NELL1: variants seen among roughly 807,000 people sequenced by gnomAD.
The protein encoded by NELL1 is protein kinase C-binding protein NELL1.
NELL1 carries 76 observed loss-of-function variants against 107.4 expected under a neutral mutation model. The observed-to-expected ratio is 0.71, with a 90% CI of 0.59 to 0.86. The LOEUF (loss-of-function observed/expected upper bound fraction) is 0.86, where lower values mean the gene tolerates loss of function less well. Among genes scored for constraint, NELL1 ranks in the 40% least tolerant of loss-of-function variants. The pLI is 0.00. For missense variants in NELL1, 1,024 were observed against 1,005.5 expected (o/e 1.02, Z -0.25); for synonymous variants, 353 against 341.2 (o/e 1.03, Z -0.38).
At chr11:20,957,223 C>T (rs996327013) in intron 11 of NELL1, among the ~76,000 whole-genome samples, 10 of 152,120 alleles carry the variant, frequency 6.6e-5, no homozygotes, top group Non-Finnish European at 1.3e-4. Context: ...AGGAAAAATC[C>T]ACTCTGCCCA....
At chr11:21,528,748 CTCAAAG>C (rs1255748130) in intron 15 of NELL1, among the ~76,000 whole-genome samples, 2 of 152,078 alleles carry the variant, frequency 1.3e-5, no homozygotes, top group African/African-American at 4.8e-5. Flanking sequence ...AAATAACTTG[CTCAAAG>C]TCAAAGTCAT....
chr11:21,419,858 T>A (rs150615554), intron 15 of NELL1, among the ~76,000 whole-genome samples: 17 of 152,314 alleles, frequency 1.1e-4, no homozygotes, highest in Admixed American at 1.1e-3. Flanking sequence ...TGTCTTTTAT[T>A]CCTGATACTT....
intron 13 of NELL1, among the ~76,000 whole-genome samples, chr11:21,175,032 C>A (rs568224759): frequency 6.6e-6 from 1 of 151,908 alleles, no homozygotes; most frequent in South Asian, 2.1e-4. Context: ...TGACCTAAAA[C>A]AATGTTGAAA....
chr11:21,105,671 G>T (rs1203053897), intron 12 of NELL1, among the ~76,000 whole-genome samples: 2 of 152,048 alleles, frequency 1.3e-5, no homozygotes, highest in Admixed American at 6.6e-5. Flanking sequence ...AAAAGAAATT[G>T]ATTTTGGTGC....
intron 14 of NELL1, among the ~76,000 whole-genome samples, chr11:21,349,247 C>T (rs922694834): frequency 1.3e-5 from 2 of 152,122 alleles, no homozygotes; most frequent in African/African-American, 4.8e-5. Context: ...ATGTGCCACT[C>T]ATCAGTGATA....
chr11:20,903,860 TGAA>T (rs1849933057), intron 5 of NELL1, among the ~76,000 whole-genome samples: 1 of 152,036 alleles, frequency 6.6e-6, no homozygotes. Flanking sequence ...AGCAACCGAG[TGAA>T]TGCTGAATCA....
At chr11:21,076,723 G>T (rs1380832627) in intron 12 of NELL1, among the ~76,000 whole-genome samples, 1 of 152,196 alleles carries the variant, frequency 6.6e-6, no homozygotes, top group Non-Finnish European at 1.5e-5. Flanking sequence ...GATAGCGCAT[G>T]AATGCCTTGG....
At chr11:20,914,433 T>C (rs1031157118) in intron 5 of NELL1, among the ~76,000 whole-genome samples, 15 of 152,104 alleles carry the variant, frequency 9.9e-5, no homozygotes, top group African/African-American at 3.4e-4. Context: ...GCGTTATCAG[T>C]AGTAAAGAAT....
intron 12 of NELL1, among the ~76,000 whole-genome samples, chr11:20,970,460 T>A (rs535238673): frequency 6.6e-6 from 1 of 152,220 alleles, no homozygotes; most frequent in Admixed American, 6.5e-5. Context: ...GAGCCTTGTA[T>A]CAGATAAGAA....
At chr11:20,692,267 T>TTG (rs938688121) in intron 2 of NELL1, among the ~76,000 whole-genome samples, 1 of 152,102 alleles carries the variant, frequency 6.6e-6, no homozygotes, top group African/African-American at 2.4e-5. Context: ...TGAAGGGTTT[T>TTG]TTTTTGTCTC....
intron 12 of NELL1, among the ~76,000 whole-genome samples, chr11:20,989,884 C>G (rs13377287): frequency 6.6e-6 from 1 of 151,818 alleles, no homozygotes; most frequent in Non-Finnish European, 1.5e-5. Flanking sequence ...GTAGTCCCAG[C>G]TACTCAGGAG....
intron 13 of NELL1, among the ~76,000 whole-genome samples, chr11:21,171,878 A>G (rs951149383): frequency 6.6e-6 from 1 of 151,832 alleles, no homozygotes; most frequent in African/African-American, 2.4e-5. Context: ...CTTTGTTATT[A>G]TTTCATTTGC....
intron 15 of NELL1, among the ~76,000 whole-genome samples, chr11:21,461,289 C>G (rs1403937222): frequency 1.3e-5 from 2 of 152,030 alleles, no homozygotes; most frequent in African/African-American, 4.8e-5. Context: ...TTGGACCCAC[C>G]ACTTATTAGT....
intron 13 of NELL1, among the ~76,000 whole-genome samples, chr11:21,121,012 A>T (rs952806600): frequency 2.0e-5 from 3 of 152,092 alleles, no homozygotes; most frequent in Non-Finnish European, 2.9e-5. Flanking sequence ...CCCAATTCTC[A>T]CCTCAGGGTT....
intron 12 of NELL1, among the ~76,000 whole-genome samples, chr11:21,069,550 T>C (rs1853961381): frequency 6.6e-6 from 1 of 152,184 alleles, no homozygotes; most frequent in African/African-American, 2.4e-5. Flanking sequence ...TCTATGCATT[T>C]AGTCCAGTAA....
At chr11:20,953,386 G>C (rs150002626) in intron 11 of NELL1, among the ~76,000 whole-genome samples, 2 of 152,172 alleles carry the variant, frequency 1.3e-5, no homozygotes, top group African/African-American at 2.4e-5. Flanking sequence ...TCATAACGAT[G>C]TATGTCTATC....
intron 12 of NELL1, among the ~76,000 whole-genome samples, chr11:21,103,160 CTTGT>C (rs981916028): frequency 6.6e-6 from 1 of 152,102 alleles, no homozygotes; most frequent in Admixed American, 6.6e-5. Context: ...TCCACAGGCC[CTTGT>C]TTGTTTGTGT....
intron 17 of NELL1, among the ~76,000 whole-genome samples, chr11:21,565,713 G>A (rs1856955800): frequency 6.6e-6 from 1 of 151,912 alleles, no homozygotes; most frequent in Admixed American, 6.6e-5. Flanking sequence ...TCAGGTTAGG[G>A]ATAAGTTTCT....
intron 13 of NELL1, among the ~76,000 whole-genome samples, chr11:21,192,771 G>A (rs542272639): frequency 5.9e-5 from 9 of 151,900 alleles, no homozygotes; most frequent in African/African-American, 1.9e-4. Context: ...AGGAAGGAAT[G>A]TGGCCACTTT....
Sources: gnomAD v4.1 joint callset for allele counts (sites outside exome capture counted in the v4.1 genomes callset) on GRCh38, gnomAD v4.1.1 for gene constraint, MANE v1.5 for transcripts, NCBI Gene and HGNC (gene_info 2026-07-23, HGNC 2026-07-21) for gene names.